Variants in SLC1A7 observed in about 807,000 individuals in gnomAD.
The protein encoded by SLC1A7 is excitatory amino acid transporter 5.
Under a neutral mutation model 47.7 loss-of-function variants are expected in SLC1A7, and 40 were observed. The ratio of observed to expected loss-of-function variants is 0.84; its 90% confidence interval spans 0.65 to 1.09. SLC1A7 has a LOEUF of 1.09. Ranked by LOEUF, SLC1A7 falls within the 50% of genes least tolerant of loss-of-function variation. The pLI is 0.00. For missense variants in SLC1A7, 746 were observed against 769.5 expected (o/e 0.97, Z 0.36); for synonymous variants, 323 against 325.6 (o/e 0.99, Z 0.09).
At chr1:53,107,837 C>T (rs1305898208) in intron 3 of SLC1A7, 1 of 152,216 alleles carries the variant, frequency 6.6e-6, no homozygotes, top group Non-Finnish European at 1.5e-5. Context: ...GCTGCGTAAA[C>T]CAATAGACCA....
rs1644374510 is a variant in SLC1A7, at chr1:53,087,708, T to A, written c.*301A>T. 3.9e-6 allele frequency: 1 copy of A among 257,062 alleles called. No individual in the cohort carries two copies. The allele number at this position is 257,062 out of a possible 1,614,324, so 15.9% of individuals were successfully genotyped here. ...AGCTCTCAGAGCCTCAAGTCTGTCA[T>A]CCAGAAAGTGGGGCCGGATAACCCC... On this transcript the variant is annotated 3_prime_UTR_variant, in exon 11 of 11. Coordinates refer to ENST00000371494, the MANE Select transcript of SLC1A7 (RefSeq NM_006671.6).
chr1:53,123,691 C>G (rs1644849624), intron 2 of SLC1A7, among the ~76,000 whole-genome samples: 2 of 152,250 alleles, frequency 1.3e-5, no homozygotes, highest in South Asian at 2.1e-4. Context: ...TAGGAATTCT[C>G]TAACTGGAAG....
At position 53,088,040 on chromosome 1, in the gene SLC1A7, ATGGTGCAG is replaced by A. The variant is rs768299988; in HGVS notation, c.1644_1651del (p.Cys549ProfsTer4). The A allele has an allele frequency of 6.4e-7, 1 of 1,563,156 alleles. No homozygotes were observed. The highest frequency in any genetic ancestry group is 1.2e-5 in the South Asian group (1 of 82,524). On this transcript the variant is annotated frameshift_variant, in exon 11 of 11. Coordinates refer to ENST00000371494, the MANE Select transcript of SLC1A7 (RefSeq NM_006671.6). LOFTEE classifies it high-confidence loss of function. ...ATTGGTCTCCAGCTCACTGATCTGG[ATGGTGCAG>A]TGGTTCAGACTCGCAGCGGGCAGCT...
intron 2 of SLC1A7, among the ~76,000 whole-genome samples, chr1:53,132,312 G>A (rs1055185568): frequency 6.6e-6 from 1 of 152,122 alleles, no homozygotes; most frequent in South Asian, 2.1e-4. Flanking sequence ...GTGAGGTGGC[G>A]GTGGAGTCTG....
At chr1:53,114,375 C>T (rs948516893) in intron 3 of SLC1A7, among the ~76,000 whole-genome samples, 6 of 152,150 alleles carry the variant, frequency 3.9e-5, no homozygotes, top group African/African-American at 7.2e-5. Context: ...ACCTACCTAC[C>T]GGTGACTCTG....
At chr1:53,101,580 A>T (rs1408828710) in intron 5 of SLC1A7, among the ~76,000 whole-genome samples, 2 of 139,910 alleles carry the variant, frequency 1.4e-5, no homozygotes, top group Non-Finnish European at 3.1e-5. Context: ...CCTACTCGGT[A>T]CACTCACACA....
rs1463656319 is a variant in SLC1A7 at position 53,090,796 on chromosome 1, G to A, written c.1042C>T (p.Leu348=). The change falls in exon 8 of 11, where the codon CTG becomes TTG. Residue 348 remains leucine, a synonymous_variant. Transcript: ENST00000371494. ...AGCAGGCACTTGAAGGTGATGGGCAGTGTGGCTGAGCTACGGTTAGAGGGG... is the reference window on the plus strand; with the variant it reads ...AGCAGGCACTTGAAGGTGATGGGCAATGTGGCTGAGCTACGGTTAGAGGGG... The part of the protein sequence containing the change: ...ALATSSSSAT[L]PITFKCLLEN... The A allele has an allele frequency of 1.2e-6, 2 of 1,611,662 alleles. No homozygotes were observed. The highest frequency in any genetic ancestry group is 1.7e-6 in the Non-Finnish European group (2 of 1,178,976).
chr1:53,129,503 TGGACTGAAGCACACATGTCTGAGGAGGGA>T (rs1553164858), intron 2 of SLC1A7, among the ~76,000 whole-genome samples: 1,068 of 110,772 alleles, frequency 9.6e-3, no homozygotes, highest in Middle Eastern at 0.028. Flanking sequence ...TGCACTCAGT[TGGACTGAAGCACACATGTCTGAGGAGGGA>T]CTTGGGCCAG....
intron 3 of SLC1A7, among the ~76,000 whole-genome samples, chr1:53,111,422 G>C (rs1644700083): frequency 6.6e-6 from 1 of 152,200 alleles, no homozygotes; most frequent in Admixed American, 6.5e-5. Flanking sequence ...GTTGAGAGCA[G>C]GTTTTGAAAA....
intron 7 of SLC1A7, 188 bp from the exon 8 acceptor site, chr1:53,090,994 G>A: frequency 6.8e-7 from 1 of 1,464,068 alleles, no homozygotes; most frequent in South Asian, 1.4e-5. Context: ...CTATGAGGGA[G>A]GTGTTTGGGT....
Position 53,089,840 on chromosome 1 carries a change from T to C in SLC1A7, c.1321A>G (p.Thr441Ala). The C allele has an allele frequency of 6.2e-7, 1 of 1,613,860 alleles. No homozygotes were observed. Among genetic ancestry groups the C allele is most frequent in the Non-Finnish European group, 8.5e-7 (1 of 1,179,970 alleles). The change falls in exon 9 of 11, where the codon ACC (threonine) becomes GCC (alanine). Residue 441 changes from threonine to alanine, a missense_variant. Thr to Ala is a moderately conservative substitution (Grantham distance 58). Coordinates refer to ENST00000371494, the MANE Select transcript of SLC1A7 (RefSeq NM_006671.6). ...VIVLTSVGLP[T>A]DDITLIIAVD... is the part of the protein sequence containing the mutation. ...GCAATGATGAGGGTGATGTCATCGG[T>C]GGGCAGTCCCACGGAGGTGAGCACG...
chr1:53,130,732 A>T (rs1445324048), intron 2 of SLC1A7, among the ~76,000 whole-genome samples: 1 of 152,176 alleles, frequency 6.6e-6, no homozygotes, highest in East Asian at 1.9e-4. Flanking sequence ...TAGCTCAGTC[A>T]GCTCAGGGTC....
intron 6 of SLC1A7, 76 bp from the exon 7 acceptor site, chr1:53,092,863 C>T (rs1382523642): frequency 8.3e-6 from 8 of 963,046 alleles, no homozygotes; most frequent in African/African-American, 3.2e-5. Context: ...CATCGCTGCG[C>T]GGCCTTCCCC....
At chr1:53,090,984 C>A in intron 7 of SLC1A7, 178 bp from the exon 8 acceptor site, 1 of 1,481,970 alleles carries the variant, frequency 6.7e-7, no homozygotes. Context: ...TTGGTTCTTC[C>A]TATGAGGGAG....
At chr1:53,106,484 G>T (rs1201916820) in intron 3 of SLC1A7, among the ~76,000 whole-genome samples, 2 of 151,706 alleles carry the variant, frequency 1.3e-5, no homozygotes, top group African/African-American at 4.8e-5. Context: ...GGTGCCTGTA[G>T]TCCCAGCTAC....
intron 1 of SLC1A7, among the ~76,000 whole-genome samples, chr1:53,136,994 A>C (rs541431239): frequency 1.3e-5 from 2 of 151,912 alleles, no homozygotes; most frequent in African/African-American, 4.8e-5. Flanking sequence ...TTAAGTTAAA[A>C]GTGCTCTAAT....
At chr1:53,093,395 G>A in intron 6 of SLC1A7, 66 bp downstream of exon 6, 2 of 1,247,026 alleles carry the variant, frequency 1.6e-6, no homozygotes, top group Non-Finnish European at 2.3e-6. Flanking sequence ...GAAGAGGGTG[G>A]GGTCTTGTCT....
At chr1:53,125,710 G>A (rs892999265) in intron 2 of SLC1A7, among the ~76,000 whole-genome samples, 2 of 152,224 alleles carry the variant, frequency 1.3e-5, no homozygotes, top group African/African-American at 2.4e-5. Context: ...CCTGTGGCCT[G>A]AGCAGCGTTG....
chr1:53,088,985 G>T lies in SLC1A7; in HGVS notation c.1362-6C>A. 6.2e-7 allele frequency: 1 copy of T among 1,613,014 alleles called. No homozygotes were observed. Among genetic ancestry groups the T allele is most frequent in the South Asian group, 1.1e-5 (1 of 91,054 alleles). On this transcript the variant is annotated splice_polypyrimidine_tract_variant and splice_region_variant and intron_variant, in intron 9 of 10. Coordinates refer to ENST00000371494, the MANE Select transcript of SLC1A7 (RefSeq NM_006671.6). The stretch of plus-strand genomic sequence containing the variant: ...TCATGGTGCGGAAACGGTCCCTGGT[G>T]AGCCAAGGTTGGGGGTGAGTGGTGG...
Sources: allele counts gnomAD v4.1 joint callset (sites outside exome capture counted in the v4.1 genomes callset), GRCh38; gene constraint gnomAD v4.1.1; transcripts MANE v1.5; gene names NCBI Gene and HGNC (gene_info 2026-07-23, HGNC 2026-07-21).